Variants in ARHGAP32 observed in about 807,000 individuals in gnomAD.
ARHGAP32 encodes the protein Rho GTPase activating protein 32.
A neutral mutation model predicts 186.5 loss-of-function variants in ARHGAP32; 51 were observed. The ratio of observed to expected loss-of-function variants is 0.27; its 90% CI spans 0.22 to 0.35. The LOEUF (loss-of-function observed/expected upper bound fraction) is 0.35. ARHGAP32 is among the 10% of genes least tolerant of loss of function. The pLI, the probability that ARHGAP32 is intolerant of heterozygous loss-of-function variation, is 1.00. For missense variants in ARHGAP32, 2,186 were observed against 2,623.5 expected (o/e 0.83, Z 3.64); for synonymous variants, 950 against 964.3 (o/e 0.99, Z 0.27).
intron 2 of ARHGAP32, among the ~76,000 whole-genome samples, chr11:129,158,773 C>G (rs1249751852): frequency 6.6e-6 from 1 of 152,204 alleles, no homozygotes; most frequent in Non-Finnish European, 1.5e-5. Flanking sequence ...TTCTCAGCAC[C>G]ATATCGCATG....
chr11:129,264,378 AATTTT>A lies in ARHGAP32; in HGVS notation c.-5+14763_-5+14767del, dbSNP rs1189672103. On this transcript the variant is annotated intron_variant, in intron 1 of 6. Coordinates refer to the ARHGAP32 transcript ENST00000525234. ...CACCTAAAAAATGGCTAAGATAGCG[AATTTT>A]ATTTTATGTATATTTTACTGCAATA... is the stretch of plus-strand genomic sequence containing the variant. Among the ~76,000 whole-genome samples, 9 of 152,352 alleles carry A rather than the reference AATTTT, an allele frequency of 5.9e-5. No homozygotes were observed. In the East Asian group the frequency reaches 9.6e-4, roughly 16 times the overall value.
At chr11:129,060,336 CATAGATAGATAGATAGATAGATAG>C (rs60434028) in intron 10 of ARHGAP32, among the ~76,000 whole-genome samples, 9 of 148,554 alleles carry the variant, frequency 6.1e-5, no homozygotes, top group East Asian at 2.0e-4. Flanking sequence ...AGGTGTTACA[CATAGATAGATAGATAGATAGATAG>C]ATAGATAGAT....
intron 12 of ARHGAP32, among the ~76,000 whole-genome samples, chr11:128,988,817 C>T (rs1299189952): frequency 6.6e-6 from 1 of 152,172 alleles, no homozygotes; most frequent in Non-Finnish European, 1.5e-5. Flanking sequence ...CACTGGACAG[C>T]TATGCTGGGG....
At position 129,243,074 on chromosome 11, in the gene ARHGAP32, T is replaced by C. The variant is rs113644875; in HGVS notation, c.-5+36072A>G. On this transcript the variant is annotated intron_variant, in intron 1 of 6. Coordinates refer to the ARHGAP32 transcript ENST00000525234. ...CAACTTTCACTTCCACATTGCCAAT[T>C]ACCCCCTACATAGCACCAAATGAAT... Among the ~76,000 whole-genome samples, 30 of 152,266 alleles carry C rather than the reference T, an allele frequency of 2.0e-4. 2 individuals are homozygous for C. Among genetic ancestry groups the C allele is most frequent in the African/African-American group, 7.0e-4 (29 of 41,554 alleles).
chr11:129,033,257 T>C (rs2134976878), intron 11 of ARHGAP32, among the ~76,000 whole-genome samples: 1 of 152,336 alleles, frequency 6.6e-6, no homozygotes. Context: ...TGTGTCTTAG[T>C]CTGTGTACAT....
chr11:129,055,178 A>C (rs112357664), intron 10 of ARHGAP32, among the ~76,000 whole-genome samples: 1,590 of 152,360 alleles, frequency 0.01, 14 homozygotes, highest in Middle Eastern at 0.024. Context: ...CAAAATGAAG[A>C]GAGCAGAACA....
intron 11 of ARHGAP32, among the ~76,000 whole-genome samples, chr11:129,007,950 G>A (rs989780834): frequency 2.0e-5 from 3 of 152,144 alleles, no homozygotes; most frequent in Non-Finnish European, 2.9e-5. Flanking sequence ...CCCTCCATGG[G>A]TAGGCATCAC....
chr11:129,204,759 G>T (rs1734481962), intron 1 of ARHGAP32, among the ~76,000 whole-genome samples: 1 of 152,092 alleles, frequency 6.6e-6, no homozygotes, highest in African/African-American at 2.4e-5. Context: ...AAAATTACAG[G>T]CATTTTTCTC....
At chr11:128,994,078 T>C (rs1946133429) in intron 12 of ARHGAP32, among the ~76,000 whole-genome samples, 1 of 152,156 alleles carries the variant, frequency 6.6e-6, no homozygotes, top group East Asian at 1.9e-4. Context: ...CTGAAACTTC[T>C]AAGTACAACT....
intron 19 of ARHGAP32, among the ~76,000 whole-genome samples, chr11:128,977,279 T>C (rs1703108677): frequency 6.6e-6 from 1 of 152,244 alleles, no homozygotes; most frequent in Admixed American, 6.5e-5. Context: ...CACAGGTAAC[T>C]TTACGTACAT....
chr11:129,076,280 G>C (rs372793132), intron 6 of ARHGAP32, among the ~76,000 whole-genome samples: 23 of 152,210 alleles, frequency 1.5e-4, no homozygotes, highest in Non-Finnish European at 2.4e-4. Context: ...AATAGCCAAC[G>C]AGCGGCCCAT....
chr11:129,219,739 A>G (rs1016783403), intron 1 of ARHGAP32, among the ~76,000 whole-genome samples: 10 of 152,154 alleles, frequency 6.6e-5, no homozygotes, highest in Non-Finnish European at 2.9e-5. Context: ...TGACGCTTTC[A>G]CAAGAGCACT....
At chr11:129,219,504 T>C (rs1164648836) in intron 1 of ARHGAP32, among the ~76,000 whole-genome samples, 1 of 152,178 alleles carries the variant, frequency 6.6e-6, no homozygotes, top group African/African-American at 2.4e-5. Context: ...AGATCTGTCA[T>C]GCAATTTATG....
At chr11:129,235,031 A>G (rs1486658561) in intron 1 of ARHGAP32, among the ~76,000 whole-genome samples, 1 of 152,200 alleles carries the variant, frequency 6.6e-6, no homozygotes, top group Non-Finnish European at 1.5e-5. Context: ...AAGGATCTTG[A>G]GATGAACTCA....
intron 5 of ARHGAP32, among the ~76,000 whole-genome samples, chr11:129,098,921 T>A (rs1173126869): frequency 1.3e-5 from 2 of 152,162 alleles, no homozygotes; most frequent in Non-Finnish European, 2.9e-5. Context: ...AACTTTAGAA[T>A]GTTAAATGTA....
At chr11:129,146,400 C>T (rs937928039) in intron 2 of ARHGAP32, among the ~76,000 whole-genome samples, 1 of 152,066 alleles carries the variant, frequency 6.6e-6, no homozygotes, top group African/African-American at 2.4e-5. Flanking sequence ...TTGGCCAGGA[C>T]ATGAATCATC....
rs543468282 is a variant in ARHGAP32, at chr11:129,237,744, C to T, written c.-5+41402G>A. ...AGAAATAGGGCCAAACCAGGCAGGG[C>T]TTTCCAAGCTATGCAAAGAACCCCT... is the stretch of plus-strand genomic sequence containing the variant. On this transcript the variant is annotated intron_variant, in intron 1 of 6. Coordinates refer to the ARHGAP32 transcript ENST00000525234. Among the ~76,000 whole-genome samples the T allele has an allele frequency of 1.2e-4, 19 of 152,252 alleles. No individual in the cohort carries two copies. In the South Asian group the frequency reaches 3.5e-3, roughly 28 times the overall value.
intron 2 of ARHGAP32, chr11:129,125,990 T>C (rs1476575236): frequency 2.3e-6 from 1 of 429,744 alleles, no homozygotes; most frequent in Admixed American, 2.9e-5. Flanking sequence ...TTTATAAATA[T>C]GAGGTAACAT....
intron 5 of ARHGAP32, 100 bp from the exon 6 acceptor site, chr11:129,093,807 A>G (rs1941652991): frequency 1.3e-6 from 1 of 788,960 alleles, no homozygotes; most frequent in East Asian, 2.7e-5. Flanking sequence ...TCTCCGGGTG[A>G]GCATCAGCTT....
Sources: allele counts gnomAD v4.1 joint callset (sites outside exome capture counted in the v4.1 genomes callset), GRCh38; gene constraint gnomAD v4.1.1; transcripts MANE v1.5; gene names NCBI Gene and HGNC (gene_info 2026-07-23, HGNC 2026-07-21).